Variants in LCLAT1 observed in about 807,000 individuals in gnomAD.
LCLAT1 encodes lysocardiolipin acyltransferase 1, also known as 1-AGP acyltransferase 8.
In LCLAT1, 11 loss-of-function variants were observed where a neutral mutation model predicts 30.7. The observed-to-expected ratio is 0.36, with a 90% CI of 0.23 to 0.59. LCLAT1 has a LOEUF of 0.59. Among genes scored for constraint, LCLAT1 ranks in the 20% least tolerant of loss-of-function variants. The pLI, the probability that LCLAT1 is intolerant of heterozygous loss-of-function variation, is 0.77. For missense variants in LCLAT1, 402 were observed against 458.6 expected (o/e 0.88, Z 1.13); for synonymous variants, 155 against 151.3 (o/e 1.02, Z -0.18).
chr2:30,566,957 G>A (rs1277070928), intron 4 of LCLAT1, among the ~76,000 whole-genome samples: 6 of 152,144 alleles, frequency 3.9e-5, no homozygotes, highest in Admixed American at 1.3e-4. Context: ...GTTATGGAGC[G>A]GTTTGGGTTA....
At chr2:30,531,043 G>C (rs1685959335) in intron 2 of LCLAT1, among the ~76,000 whole-genome samples, 1 of 152,046 alleles carries the variant, frequency 6.6e-6, no homozygotes, top group African/African-American at 2.4e-5. Flanking sequence ...AGGCGGGCGA[G>C]TCGCAAGTTC....
chr2:30,611,718 G>A (rs1209735008), intron 5 of LCLAT1, among the ~76,000 whole-genome samples: 2 of 152,168 alleles, frequency 1.3e-5, no homozygotes, highest in Non-Finnish European at 2.9e-5. Context: ...GGGCATAGCA[G>A]CAAAGAAGAG....
At chr2:30,633,813 T>C (rs766534670) in intron 5 of LCLAT1, among the ~76,000 whole-genome samples, 1 of 152,238 alleles carries the variant, frequency 6.6e-6, no homozygotes, top group African/African-American at 2.4e-5. Context: ...TATTCTGTCA[T>C]TGAACTATAT....
intron 1 of LCLAT1, among the ~76,000 whole-genome samples, chr2:30,523,558 TCAAG>T: frequency 1.3e-5 from 2 of 152,306 alleles, no homozygotes; most frequent in African/African-American, 4.8e-5. Context: ...ACACGTACTG[TCAAG>T]TATCAGTAGA....
chr2:30,612,535 C>T (rs1241872653), intron 5 of LCLAT1, among the ~76,000 whole-genome samples: 1 of 152,170 alleles, frequency 6.6e-6, no homozygotes, highest in Non-Finnish European at 1.5e-5. Context: ...ATTATTATCT[C>T]AGCTTGCCTG....
chr2:30,597,498 C>T (rs1192808603), intron 5 of LCLAT1, among the ~76,000 whole-genome samples: 1 of 152,052 alleles, frequency 6.6e-6, no homozygotes, highest in Non-Finnish European at 1.5e-5. Context: ...GATTTTGCAT[C>T]CTGAGACTTT....
chr2:30,505,474 T>TA (rs1250247599), intron 1 of LCLAT1, among the ~76,000 whole-genome samples: 1 of 152,140 alleles, frequency 6.6e-6, no homozygotes, highest in Non-Finnish European at 1.5e-5. Flanking sequence ...GAACAGCATA[T>TA]GTCTAATTAG....
At chr2:30,572,202 A>G (rs549525171) in intron 5 of LCLAT1, among the ~76,000 whole-genome samples, 1 of 152,200 alleles carries the variant, frequency 6.6e-6, no homozygotes, top group Non-Finnish European at 1.5e-5. Flanking sequence ...CTCCAGCGAA[A>G]AATCTGAGCT....
At chr2:30,535,617 G>A (rs1572587582) in intron 3 of LCLAT1, among the ~76,000 whole-genome samples, 1 of 152,226 alleles carries the variant, frequency 6.6e-6, no homozygotes, top group South Asian at 2.1e-4. Context: ...CAAAGTCAAG[G>A]CACCCTACCC....
intron 1 of LCLAT1, among the ~76,000 whole-genome samples, chr2:30,468,460 C>G (rs1270167816): frequency 1.3e-5 from 2 of 151,480 alleles, no homozygotes; most frequent in African/African-American, 4.9e-5. Flanking sequence ...CCATTGTGGT[C>G]ATTTGTAAAT....
At chr2:30,470,788 A>T (rs1272878916) in intron 1 of LCLAT1, among the ~76,000 whole-genome samples, 1 of 152,146 alleles carries the variant, frequency 6.6e-6, no homozygotes, top group African/African-American at 2.4e-5. Context: ...TGGCTTTTCC[A>T]TTTCTGCAAA....
At chr2:30,568,864 C>CAAAAAAAAA (rs61325694) in intron 5 of LCLAT1, among the ~76,000 whole-genome samples, 14 of 89,110 alleles carry the variant, frequency 1.6e-4, no homozygotes, top group Non-Finnish European at 2.1e-4. Flanking sequence ...TCATGAATAG[C>CAAAAAAAAA]AAAAAAAAAA....
At chr2:30,480,261 G>A (rs1198555493) in intron 1 of LCLAT1, among the ~76,000 whole-genome samples, 3 of 152,090 alleles carry the variant, frequency 2.0e-5, no homozygotes, top group Non-Finnish European at 4.4e-5. Context: ...GTCCAGGGTG[G>A]AGTGCAGTGG....
In LCLAT1 at chr2:30,641,460, A is replaced by T. The variant is rs2609945; in HGVS notation, c.*841A>T. On this transcript the variant is annotated 3_prime_UTR_variant, in exon 6 of 6. Transcript: ENST00000379509. ...CACATACTTTTTTAAAGGAACACTC[A>T]GAACATTCTGTCATTCCAGTCAGAA... is the stretch of plus-strand genomic sequence containing the variant. 2.0e-5 allele frequency: 3 copies of T among 152,068 alleles called. No individual in the cohort carries two copies. Among genetic ancestry groups the T allele is most frequent in the Non-Finnish European group, 4.4e-5 (3 of 68,012 alleles). The allele number at this position is 152,068 out of a possible 1,614,324, so 9.4% of individuals were successfully genotyped here. A position where few individuals can be genotyped will look rare whatever the true frequency, so the allele number is the denominator to read the frequency against.
intron 5 of LCLAT1, among the ~76,000 whole-genome samples, chr2:30,608,661 G>T (rs1377963063): frequency 6.6e-6 from 1 of 152,142 alleles, no homozygotes; most frequent in Non-Finnish European, 1.5e-5. Context: ...ATGCTGTACA[G>T]GTTTGTAGCC....
intron 5 of LCLAT1, among the ~76,000 whole-genome samples, chr2:30,605,620 T>C (rs568407151): frequency 1.3e-5 from 2 of 152,318 alleles, no homozygotes; most frequent in East Asian, 3.9e-4. Context: ...AATTTCTTCA[T>C]CAGTGACATA....
intron 1 of LCLAT1, among the ~76,000 whole-genome samples, chr2:30,512,946 G>A (rs1169338834): frequency 6.6e-6 from 1 of 152,032 alleles, no homozygotes; most frequent in Non-Finnish European, 1.5e-5. Flanking sequence ...TAGAGTTCTT[G>A]AAATATAATT....
In LCLAT1 at chr2:30,626,824, A is replaced by G. The variant is rs188011358; in HGVS notation, c.629-13293A>G. ...TTGTATCCTATAGATTCTCTTTTTC[A>G]TTGCTTTTTAGATAATTCGTAATTT... On this transcript the variant is annotated intron_variant, in intron 5 of 5. Transcript: ENST00000379509. Among the ~76,000 whole-genome samples the G allele has an allele frequency of 1.0e-3, 153 of 151,032 alleles. 1 individual carries two copies. Among genetic ancestry groups the G allele is most frequent in the Non-Finnish European group, 3.2e-4 (22 of 67,734 alleles).
chr2:30,533,374 G>A lies in LCLAT1; in HGVS notation c.364+60G>A, dbSNP rs115467799. 1.5e-3 allele frequency: 2,080 copies of A among 1,379,386 alleles called. 29 individuals carry two copies. In the African/African-American group the frequency reaches 0.025, roughly 16 times the overall value. The allele number at this position is 1,379,386 out of a possible 1,614,324, so 85.4% of individuals were successfully genotyped here. A position where few individuals can be genotyped will look rare whatever the true frequency, so the allele number is the denominator to read the frequency against. On this transcript the variant is annotated intron_variant, in intron 3 of 5. Transcript: ENST00000379509. ...TCATTTTAGATGTAATGCACCCACT[G>A]TAAAACTGACTTAAGCATTAAAGCG...
Sources: allele counts gnomAD v4.1 joint callset (sites outside exome capture counted in the v4.1 genomes callset), GRCh38; gene constraint gnomAD v4.1.1; transcripts MANE v1.5; gene names NCBI Gene and HGNC (gene_info 2026-07-23, HGNC 2026-07-21).